The following ABR variants were observed in gnomAD, a reference collection of about 807,000 sequenced individuals.
The protein encoded by ABR is active breakpoint cluster region-related protein.
In ABR, 35 loss-of-function variants were observed where a neutral mutation model predicts 107.2. The ratio of observed to expected loss-of-function variants is 0.33; its 90% CI spans 0.25 to 0.43. ABR has a LOEUF of 0.43. Ranked by LOEUF, ABR falls within the 20% of genes least tolerant of loss-of-function variation. The probability of loss-of-function intolerance (pLI) is 1.00; values close to 1 mark genes in which losing one functional copy is unlikely to be tolerated. For missense variants in ABR, 815 were observed against 1,115.2 expected (o/e 0.73, Z 3.83); for synonymous variants, 498 against 462.0 (o/e 1.08, Z -1.00).
intron 10 of ABR, 140 bp from the exon 11 acceptor site, chr17:1,059,007 G>T (rs1463718733): frequency 5.5e-5 from 71 of 1,293,266 alleles, no homozygotes; most frequent in Non-Finnish European, 6.8e-5. Context: ...CTTGTGGCAG[G>T]AGAGGCGGGT....
chr17:1,040,206 C>T (rs1367843134), intron 16 of ABR, among the ~76,000 whole-genome samples: 1 of 152,258 alleles, frequency 6.6e-6, no homozygotes, highest in Non-Finnish European at 1.5e-5. Context: ...AGGACGCACG[C>T]GCAGGACCCT....
chr17:1,109,017 C>G (rs1266416460), intron 2 of ABR: 1 of 1,598,272 alleles, frequency 6.3e-7, no homozygotes, highest in Admixed American at 1.7e-5. Context: ...AACACATCTT[C>G]GTCCTCCAGA....
intron 16 of ABR, among the ~76,000 whole-genome samples, chr17:1,043,610 C>T (rs2031043139): frequency 6.6e-6 from 1 of 152,228 alleles, no homozygotes. Context: ...TCACTCTAGC[C>T]TCCTTAGCCT....
chr17:1,033,640 G>C (rs752344644), intron 16 of ABR, among the ~76,000 whole-genome samples: 1 of 152,196 alleles, frequency 6.6e-6, no homozygotes, highest in Non-Finnish European at 1.5e-5. Context: ...GGGGCGGCCA[G>C]ACCAGCTCCA....
intron 1 of ABR, among the ~76,000 whole-genome samples, chr17:1,147,234 C>T (rs931453650): frequency 6.6e-6 from 1 of 152,240 alleles, no homozygotes; most frequent in Non-Finnish European, 1.5e-5. Context: ...GTGCAGTCTC[C>T]ATCAGGCTGG....
intron 2 of ABR, among the ~76,000 whole-genome samples, chr17:1,110,469 A>G (rs2038607586): frequency 6.6e-6 from 1 of 152,220 alleles, no homozygotes; most frequent in African/African-American, 2.4e-5. Flanking sequence ...TGGCTGCCTG[A>G]TCTCTGTTCA....
At chr17:1,169,061 C>G (rs111413227) in intron 1 of ABR, among the ~76,000 whole-genome samples, 4 of 152,228 alleles carry the variant, frequency 2.6e-5, no homozygotes, top group African/African-American at 9.6e-5. Context: ...AAGTAACTAC[C>G]AAGGCTTTCT....
chr17:1,178,999 G>A (rs1007566130), intron 1 of ABR, among the ~76,000 whole-genome samples: 5 of 151,100 alleles, frequency 3.3e-5, no homozygotes, highest in Admixed American at 6.6e-5. Context: ...AACTCGAGAA[G>A]GTTTGTTTTT....
intron 16 of ABR, among the ~76,000 whole-genome samples, chr17:1,022,873 C>G (rs980887145): frequency 6.6e-6 from 1 of 152,246 alleles, no homozygotes; most frequent in Non-Finnish European, 1.5e-5. Context: ...GTTCCCCAAG[C>G]CTCATGGGAG....
chr17:1,176,869 CAAAAAA>C (rs67373798), intron 1 of ABR, among the ~76,000 whole-genome samples: 3 of 139,168 alleles, frequency 2.2e-5, no homozygotes, highest in South Asian at 2.2e-4. Context: ...AAACAAAAAA[CAAAAAA>C]AAAAAAGAAA....
At chr17:1,101,909 A>ATTTTTTTT (rs1387090452) in intron 2 of ABR, among the ~76,000 whole-genome samples, 4 of 151,642 alleles carry the variant, frequency 2.6e-5, no homozygotes, top group Non-Finnish European at 5.9e-5. Context: ...AACTTTTTGT[A>ATTTTTTTT]TTTTTAGTAG....
chr17:1,203,277 C>G (rs1353146709), intron 1 of ABR, among the ~76,000 whole-genome samples: 1 of 144,488 alleles, frequency 6.9e-6, no homozygotes, highest in African/African-American at 2.5e-5. Flanking sequence ...GCCAGGCTCC[C>G]GCGCAGTCCT....
chr17:1,111,593 T>C (rs534823434), intron 2 of ABR, among the ~76,000 whole-genome samples: 83 of 152,300 alleles, frequency 5.4e-4, no homozygotes, highest in Middle Eastern at 3.4e-3. Flanking sequence ...GAGGCCTCCC[T>C]CTCCGACTCT....
At chr17:1,080,843 C>T (rs1236480414) in intron 5 of ABR, among the ~76,000 whole-genome samples, 1 of 152,146 alleles carries the variant, frequency 6.6e-6, no homozygotes, top group Non-Finnish European at 1.5e-5. Flanking sequence ...GGAATGTTTC[C>T]TCACGCCCCC....
At chr17:1,040,971 T>C (rs1276872569) in intron 16 of ABR, among the ~76,000 whole-genome samples, 2 of 152,192 alleles carry the variant, frequency 1.3e-5, no homozygotes, top group Non-Finnish European at 2.9e-5. Context: ...TGGAGTGTAA[T>C]GGCGCAATCT....
At chr17:1,031,746 G>C (rs534723101) in intron 16 of ABR, 118 of 1,237,406 alleles carry the variant, frequency 9.5e-5, no homozygotes, top group African/African-American at 8.5e-4. Context: ...GGTCATGCCG[G>C]GGGGGACGGG....
chr17:1,096,682 G>A (rs953051113), intron 3 of ABR, among the ~76,000 whole-genome samples: 1 of 151,430 alleles, frequency 6.6e-6, no homozygotes, highest in Non-Finnish European at 1.5e-5. Flanking sequence ...CTGGGGGAAG[G>A]TGGGGAACCC....
chr17:1,058,624 G>T, intron 11 of ABR, 121 bp downstream of exon 11: 2 of 1,329,478 alleles, frequency 1.5e-6, no homozygotes, highest in Non-Finnish European at 2.0e-6. Context: ...AGCCATGGCA[G>T]CCTCCTCAGG....
intron 1 of ABR, among the ~76,000 whole-genome samples, chr17:1,213,602 A>C (rs1051189515): frequency 3.9e-5 from 6 of 152,174 alleles, no homozygotes; most frequent in Admixed American, 3.3e-4. Context: ...CATGTTGGTC[A>C]GGCTGGTCTC....
Sources: gnomAD v4.1 joint callset for allele counts (sites outside exome capture counted in the v4.1 genomes callset) on GRCh38, gnomAD v4.1.1 for gene constraint, MANE v1.5 for transcripts, NCBI Gene and HGNC (gene_info 2026-07-23, HGNC 2026-07-21) for gene names.